TUBA4B: variants seen among roughly 807,000 people sequenced by gnomAD.
TUBA4B encodes tubulin-like protein alpha-4B.
In TUBA4B, 13 loss-of-function variants were observed where a neutral mutation model predicts 18.4. That is an observed-to-expected ratio of 0.71 (90% CI 0.46 to 1.12). The LOEUF (loss-of-function observed/expected upper bound fraction) is 1.12, where lower values mean the gene tolerates loss of function less well. Among genes scored for constraint, TUBA4B ranks in the 50% most tolerant of loss-of-function variants. The pLI is 0.00. For synonymous variants in TUBA4B, 101 were observed against 99.1 expected (o/e 1.02, Z -0.11); for missense variants, 244 against 250.0 (o/e 0.98, Z 0.16).
At chr2:219,255,379 C>T (rs1242941544) in intron 1 of TUBA4B, among the ~76,000 whole-genome samples, 1 of 152,176 alleles carries the variant, frequency 6.6e-6, no homozygotes, top group Non-Finnish European at 1.5e-5. Context: ...GCTGGGATTA[C>T]AGGCATGGAT....
intron 2 of TUBA4B, among the ~76,000 whole-genome samples, chr2:219,269,602 C>T (rs747583601): frequency 2.6e-5 from 4 of 152,166 alleles, no homozygotes; most frequent in Non-Finnish European, 4.4e-5. Flanking sequence ...CTGTGAAGGC[C>T]GTTCTCTGCC....
chr2:219,261,482 T>TG (rs1313138275), intron 1 of TUBA4B, among the ~76,000 whole-genome samples: 1 of 152,166 alleles, frequency 6.6e-6, no homozygotes, highest in Admixed American at 6.5e-5. Flanking sequence ...CCCCTAGGTC[T>TG]GGGGGAAAGC....
chr2:219,267,580 T>C (rs937646060), intron 2 of TUBA4B, among the ~76,000 whole-genome samples: 21 of 149,178 alleles, frequency 1.4e-4, no homozygotes, highest in African/African-American at 2.5e-4. Context: ...TTCTTTTTTT[T>C]GTTTTTTTTT....
chr2:219,271,485 G>A lies in TUBA4B; in HGVS notation c.512G>A (p.Ser171Asn), dbSNP rs539116459. Residue 171 changes from serine to asparagine, a missense_variant, in exon 4 of 4, where the codon AGC (serine) becomes AAC (asparagine). Transcript: ENST00000490341. Reference sequence around the variant, plus strand: ...TACACCAACCTCAATCGCCTCATTAGCCAAATTGTCTCCTCCATCACAGCT... The same window carrying A: ...TACACCAACCTCAATCGCCTCATTAACCAAATTGTCTCCTCCATCACAGCT... Reference protein sequence around the residue: ...PTYTNLNRLISQIVSSITASL... With the variant: ...PTYTNLNRLINQIVSSITASL... 41 of 1,614,168 alleles carry A rather than the reference G, an allele frequency of 2.5e-5. No individual in the cohort carries two copies. The highest frequency in any genetic ancestry group is 3.4e-5 in the Non-Finnish European group (40 of 1,180,034).
intron 1 of TUBA4B, among the ~76,000 whole-genome samples, chr2:219,262,499 A>T (rs1951765699): frequency 6.6e-6 from 1 of 152,078 alleles, no homozygotes; most frequent in African/African-American, 2.4e-5. Context: ...CCCCATGAAA[A>T]TGAAAGCTCC....
intron 1 of TUBA4B, chr2:219,253,810 A>AG: frequency 6.5e-7 from 1 of 1,529,446 alleles, no homozygotes; most frequent in Non-Finnish European, 8.8e-7. Flanking sequence ...CCCAAAGGAG[A>AG]GGGGCAATTA....
At chr2:219,262,980 G>T (rs181875671) in intron 1 of TUBA4B, among the ~76,000 whole-genome samples, 1 of 151,650 alleles carries the variant, frequency 6.6e-6, no homozygotes, top group African/African-American at 2.4e-5. Flanking sequence ...GGCGGAGGTC[G>T]CAGTGAGCCG....
At position 219,253,846 on chromosome 2, in the gene TUBA4B, C is replaced by T. The variant is rs376126227; in HGVS notation, c.12+427C>T. ...GGGGACAGGCGCGACCCCGGCCGGG[C>T]CGCACTCACCATGGTGAGTCCGGGC... On this transcript the variant is annotated intron_variant, in intron 1 of 3. Coordinates refer to ENST00000490341, the MANE Select transcript of TUBA4B (RefSeq NM_001355221.1). 5 of 1,505,446 alleles carry T rather than the reference C, an allele frequency of 3.3e-6. No individual in the cohort carries two copies. In the African/African-American group the frequency reaches 5.6e-5, roughly 17 times the overall value. The allele number at this position is 1,505,446 out of a possible 1,614,324, so 93.3% of individuals were successfully genotyped here.
chr2:219,255,218 C>G (rs921733483), intron 1 of TUBA4B, among the ~76,000 whole-genome samples: 3 of 152,188 alleles, frequency 2.0e-5, no homozygotes, highest in Non-Finnish European at 4.4e-5. Flanking sequence ...CGTGCACCAA[C>G]ACCATGCCCA....
intron 1 of TUBA4B, 99 bp from the exon 2 acceptor site, chr2:219,266,422 C>T (rs1951789774): frequency 1.6e-6 from 1 of 634,502 alleles, no homozygotes; most frequent in South Asian, 1.8e-5. Flanking sequence ...CCGTTTCTAA[C>T]AACATCCACC....
Position 219,271,150 on chromosome 2 carries a change from C to T in TUBA4B, c.193-16C>T. On this transcript the variant is annotated splice_polypyrimidine_tract_variant and intron_variant, in intron 3 of 3. Coordinates refer to ENST00000490341, the MANE Select transcript of TUBA4B (RefSeq NM_001355221.1). ...GTGCTCCATGCCCCACATTTCCCCT[C>T]CCCTTCCCTGTCTAGGCTGACCAGT... The T allele has an allele frequency of 1.2e-6, 1 of 808,838 alleles. No homozygotes were observed. The highest frequency in any genetic ancestry group is 2.1e-6 in the Non-Finnish European group (1 of 465,232). The allele number at this position is 808,838 out of a possible 1,614,324, so 50.1% of individuals were successfully genotyped here. A position where few individuals can be genotyped will look rare whatever the true frequency, so the allele number is the denominator to read the frequency against.
chr2:219,253,494 A>C, intron 1 of TUBA4B, 75 bp downstream of exon 1: 1 of 1,233,598 alleles, frequency 8.1e-7, no homozygotes, highest in Non-Finnish European at 1.1e-6. Context: ...CTGGGGATGT[A>C]AGAGGGCAGC....
At chr2:219,266,323 G>A in intron 1 of TUBA4B, 198 bp from the exon 2 acceptor site, 1 of 568,194 alleles carries the variant, frequency 1.8e-6, no homozygotes, top group Non-Finnish European at 3.1e-6. Context: ...CCCCTCCTCT[G>A]CCCACCTCAG....
intron 1 of TUBA4B, among the ~76,000 whole-genome samples, chr2:219,255,482 T>C (rs1267169658): frequency 1.3e-5 from 2 of 152,078 alleles, no homozygotes; most frequent in Non-Finnish European, 2.9e-5. Context: ...ATCCACCTGC[T>C]TCAGCCTCCC....
At chr2:219,262,910 A>T (rs771837588) in intron 1 of TUBA4B, among the ~76,000 whole-genome samples, 8 of 151,998 alleles carry the variant, frequency 5.3e-5, no homozygotes, top group Non-Finnish European at 8.8e-5. Flanking sequence ...GCATGGTGGC[A>T]TGCGCCTGTA....
intron 1 of TUBA4B, chr2:219,253,979 C>T (rs1951693805): frequency 9.1e-7 from 1 of 1,094,430 alleles, no homozygotes; most frequent in African/African-American, 1.7e-5. Context: ...GCGTTCCCCG[C>T]TCGCCCACTA....
intron 1 of TUBA4B, among the ~76,000 whole-genome samples, chr2:219,255,020 C>T (rs2125072661): frequency 6.6e-6 from 1 of 152,248 alleles, no homozygotes; most frequent in South Asian, 2.1e-4. Flanking sequence ...TCCACCCCAT[C>T]TTTTCAAGCT....
intron 1 of TUBA4B, 73 bp downstream of exon 1, chr2:219,253,492 G>T: frequency 8.0e-7 from 1 of 1,247,932 alleles, no homozygotes; most frequent in Non-Finnish European, 1.1e-6. Flanking sequence ...GACTGGGGAT[G>T]TAAGAGGGCA....
At chr2:219,269,312 A>G (rs1951810732) in intron 2 of TUBA4B, among the ~76,000 whole-genome samples, 1 of 152,100 alleles carries the variant, frequency 6.6e-6, no homozygotes, top group South Asian at 2.1e-4. Context: ...TGGGTAGATT[A>G]TCTTGCACTT....
Sources: allele counts gnomAD v4.1 joint callset (sites outside exome capture counted in the v4.1 genomes callset), GRCh38; gene constraint gnomAD v4.1.1; transcripts MANE v1.5; gene names NCBI Gene and HGNC (gene_info 2026-07-23, HGNC 2026-07-21).